The following NSD1 variants were observed in gnomAD, a reference collection of about 807,000 sequenced individuals.
NSD1 encodes histone-lysine N-methyltransferase, H3 lysine-36 specific.
NSD1 carries 26 observed loss-of-function variants against 242.7 expected under a neutral mutation model. The observed-to-expected ratio is 0.11, with a 90% confidence interval of 0.08 to 0.15. NSD1 has a LOEUF of 0.15. Ranked by LOEUF, NSD1 falls within the 10% of genes least tolerant of loss-of-function variation. NSD1 has a pLI of 1.00. For synonymous variants in NSD1, 1,106 were observed against 1,178.1 expected (o/e 0.94, Z 1.25); for missense variants, 2,495 against 3,272.8 (o/e 0.76, Z 5.80).
At chr5:177,209,527 T>TAA (rs1763161207) in intron 4 of NSD1, 109 bp from the exon 5 acceptor site, 1 of 731,784 alleles carries the variant, frequency 1.4e-6, no homozygotes, top group Non-Finnish European at 2.1e-6. Flanking sequence ...AGACTCTGTC[T>TAA]CAAAAAAAAA....
At chr5:177,137,730 A>T (rs1377408377) in intron 2 of NSD1, among the ~76,000 whole-genome samples, 1 of 152,148 alleles carries the variant, frequency 6.6e-6, no homozygotes, top group East Asian at 1.9e-4. Flanking sequence ...GAAGCATACA[A>T]ATAGAATTGT....
intron 16 of NSD1, among the ~76,000 whole-genome samples, chr5:177,272,669 A>G (rs1273158790): frequency 6.6e-6 from 1 of 152,124 alleles, no homozygotes; most frequent in African/African-American, 2.4e-5. Flanking sequence ...GCAAACAGAT[A>G]CCTTGACCTT....
chr5:177,242,482 A>G (rs1765950223), intron 8 of NSD1, among the ~76,000 whole-genome samples: 1 of 151,740 alleles, frequency 6.6e-6, no homozygotes, highest in Non-Finnish European at 1.5e-5. Context: ...TTACTTCCAA[A>G]CATTAGGAAC....
Position 177,299,254 on chromosome 5 carries a change from C to G in NSD1, c.*3795C>G, listed in dbSNP as rs774490091. 4.3e-6 allele frequency: 1 copy of G among 233,296 alleles called. No homozygotes were observed. The highest frequency in any genetic ancestry group is 8.5e-6 in the Non-Finnish European group (1 of 118,062). The allele number at this position is 233,296 out of a possible 1,614,324, so 14.5% of individuals were successfully genotyped here. A position where few individuals can be genotyped will look rare whatever the true frequency, so the allele number is the denominator to read the frequency against. On this transcript the variant is annotated 3_prime_UTR_variant, in exon 23 of 23. Coordinates refer to ENST00000439151, the MANE Select transcript of NSD1 (RefSeq NM_022455.5). ...GCCAAGGGTTGAGGGACTGGCAGCT[C>G]AAGAAACCCGGGTTCCTGTTTGGGA...
intron 3 of NSD1, 113 bp from the exon 4 acceptor site, chr5:177,204,007 C>A: frequency 1.0e-6 from 1 of 993,718 alleles, no homozygotes; most frequent in Non-Finnish European, 1.6e-6. Context: ...GTTCAGTGGG[C>A]ATGTTAGTTG....
At chr5:177,156,202 G>C (rs1037562566) in intron 2 of NSD1, among the ~76,000 whole-genome samples, 1 of 71,956 alleles carries the variant, frequency 1.4e-5, no homozygotes, top group African/African-American at 6.9e-5. Flanking sequence ...TTTTTTTTGA[G>C]ATGGAGTCTT....
chr5:177,265,630 G>A (rs1757368452), intron 14 of NSD1: 1 of 1,569,206 alleles, frequency 6.4e-7, no homozygotes, highest in African/African-American at 1.4e-5. Context: ...TGAAATCTAG[G>A]TTGATGGTGA....
chr5:177,179,957 G>A (rs1000305028), intron 2 of NSD1, among the ~76,000 whole-genome samples: 3 of 152,016 alleles, frequency 2.0e-5, no homozygotes, highest in Admixed American at 6.6e-5. Context: ...CTGGGGTGCA[G>A]TGGTGTGGTC....
At chr5:177,175,278 G>T (rs971753521) in intron 2 of NSD1, among the ~76,000 whole-genome samples, 1 of 152,086 alleles carries the variant, frequency 6.6e-6, no homozygotes, top group African/African-American at 2.4e-5. Context: ...TTAATTTTCC[G>T]TAATTTATTT....
At chr5:177,133,679 G>GCGCACTCGGGGCCCAGC (rs1486181057), upstream of NSD1, 7 of 148,920 alleles carry the variant, frequency 4.7e-5, no homozygotes, top group African/African-American at 1.2e-4. The surrounding 1 kb of genome is among the most constrained non-coding windows in gnomAD (Gnocchi z 6.2). Context: ...AGGGGTGCGC[G>GCGCACTCGGGGCCCAGC]CGCACTCGGG....
chr5:177,183,944 C>T (rs762780683), intron 2 of NSD1, among the ~76,000 whole-genome samples: 14 of 152,192 alleles, frequency 9.2e-5, no homozygotes, highest in Non-Finnish European at 1.5e-4. Flanking sequence ...CCAGTTCCAT[C>T]TATGTTGTTG....
intron 2 of NSD1, among the ~76,000 whole-genome samples, chr5:177,150,609 A>G (rs1454665787): frequency 6.6e-6 from 1 of 152,166 alleles, no homozygotes; most frequent in Non-Finnish European, 1.5e-5. Flanking sequence ...AAATACCATA[A>G]TGCTCTTCTA....
intron 14 of NSD1, among the ~76,000 whole-genome samples, chr5:177,261,299 C>CT (rs140828014): frequency 7.6e-6 from 1 of 132,346 alleles, no homozygotes; most frequent in African/African-American, 2.8e-5. Flanking sequence ...AGGCTGGTCT[C>CT]TTAACTTCTG....
chr5:177,210,707 G>C lies in NSD1; in HGVS notation c.2308G>C (p.Gly770Arg). 6.2e-7 allele frequency: 1 copy of C among 1,614,140 alleles called. No individual in the cohort carries two copies. Residue 770 changes from glycine (G) to arginine (R), a missense_variant, in exon 5 of 23, where the codon GGT (glycine) becomes CGT (arginine). By Grantham distance (125) the Gly-to-Arg change is moderately radical. This residue lies in a region of NSD1 where 515 missense variants were observed against 467.0 expected (regional missense o/e 1.10). Coordinates refer to ENST00000439151, the MANE Select transcript of NSD1 (RefSeq NM_022455.5). ...ATCCAGTGAGAACTCGTTAATAAAG[G>C]GTGGGGCAGCAAATCAAGCTCTATT... Reference protein sequence around the residue: ...SISSENSLIKGGAANQALLHS... With the variant: ...SISSENSLIKRGAANQALLHS...
At chr5:177,160,649 C>G (rs1308815811) in intron 2 of NSD1, among the ~76,000 whole-genome samples, 1 of 151,958 alleles carries the variant, frequency 6.6e-6, no homozygotes, top group East Asian at 1.9e-4. Context: ...TTATCAAGGA[C>G]TTTTTTTGGT....
At chr5:177,220,457 G>A (rs1764138763) in intron 5 of NSD1, among the ~76,000 whole-genome samples, 1 of 151,694 alleles carries the variant, frequency 6.6e-6, no homozygotes, top group South Asian at 2.1e-4. Flanking sequence ...TAAATCTTAG[G>A]TGAGCCTTTT....
chr5:177,231,612 G>T (rs997168475), intron 5 of NSD1, among the ~76,000 whole-genome samples: 2 of 151,936 alleles, frequency 1.3e-5, no homozygotes, highest in Non-Finnish European at 2.9e-5. Flanking sequence ...GTAGAGACGG[G>T]GTTTTTCCAT....
intron 3 of NSD1, among the ~76,000 whole-genome samples, chr5:177,203,448 C>T (rs1475594613): frequency 2.0e-5 from 3 of 151,946 alleles, no homozygotes; most frequent in East Asian, 1.9e-4. Context: ...TTAAAATTTC[C>T]CTAATTTGAA....
chr5:177,168,981 C>T (rs1581189806), intron 2 of NSD1, among the ~76,000 whole-genome samples: 1 of 152,196 alleles, frequency 6.6e-6, no homozygotes, highest in East Asian at 1.9e-4. Context: ...ATTGTTTGTG[C>T]AACGTGTAGT....
Sources: allele counts gnomAD v4.1 joint callset (sites outside exome capture counted in the v4.1 genomes callset), GRCh38; gene constraint gnomAD v4.1.1; regional missense constraint gnomAD v4.1.1; non-coding constraint Gnocchi (gnomAD v3.1); transcripts MANE v1.5; gene names NCBI Gene and HGNC (gene_info 2026-07-23, HGNC 2026-07-21).